Variants in SLC39A12 observed in about 807,000 individuals in gnomAD.
The protein encoded by SLC39A12 is zinc transporter ZIP12.
In SLC39A12, 63 loss-of-function variants were observed where a neutral mutation model predicts 71.1. The ratio of observed to expected loss-of-function variants is 0.89; its 90% CI spans 0.72 to 1.09. The LOEUF (loss-of-function observed/expected upper bound fraction) is 1.09, where lower values mean the gene tolerates loss of function less well. Ranked by LOEUF, SLC39A12 falls within the 50% of genes least tolerant of loss-of-function variation. SLC39A12 has a pLI of 0.00. For synonymous variants in SLC39A12, 351 were observed against 301.3 expected (o/e 1.16, Z -1.71); for missense variants, 892 against 812.6 (o/e 1.10, Z -1.19).
intron 4 of SLC39A12, among the ~76,000 whole-genome samples, chr10:17,967,374 T>A (rs901507384): frequency 1.3e-5 from 2 of 152,200 alleles, no homozygotes; most frequent in African/African-American, 4.8e-5. Context: ...CTAGATTGAT[T>A]AATTATTTAG....
chr10:18,020,513 A>T (rs546462002), intron 12 of SLC39A12, among the ~76,000 whole-genome samples: 197 of 152,202 alleles, frequency 1.3e-3, no homozygotes, highest in African/African-American at 4.6e-3. Context: ...GTTGAATGGT[A>T]ACTCTATTTT....
Position 17,978,038 on chromosome 10 carries a change from A to G in SLC39A12, c.888A>G (p.Glu296=). The change falls in exon 5 of 13, where the codon GAA becomes GAG. Residue 296 remains glutamate (E), a synonymous_variant. Coordinates refer to ENST00000377369, the MANE Select transcript of SLC39A12 (RefSeq NM_001145195.2). ...QDYSNFSSSM[E]KESEDGPVSW... is the part of the protein sequence containing the mutation. ...ATTCTAATTTCTCTTCATCCATGGA[A>G]AAAGAGTCTGAGGATGGTCCAGTTT... 1 of 1,605,816 alleles carries G rather than the reference A, an allele frequency of 6.2e-7. No homozygotes were observed. The highest frequency in any genetic ancestry group is 1.1e-5 in the South Asian group (1 of 89,360).
At chr10:17,972,798 C>T (rs992152897) in intron 4 of SLC39A12, among the ~76,000 whole-genome samples, 2 of 151,472 alleles carry the variant, frequency 1.3e-5, no homozygotes, top group Non-Finnish European at 1.5e-5. Context: ...TTCTGCTAGT[C>T]TGTGTCTTTT....
chr10:17,961,028 G>A (rs1834674926), intron 2 of SLC39A12, among the ~76,000 whole-genome samples: 1 of 152,114 alleles, frequency 6.6e-6, no homozygotes, highest in Admixed American at 6.5e-5. Flanking sequence ...AGATAGTTCT[G>A]TACTAGGGAA....
At chr10:17,981,211 C>G (rs2437261) in intron 5 of SLC39A12, 101 bp from the exon 6 acceptor site, 307,457 of 1,031,224 alleles carry the variant, frequency 0.3, 49,066 homozygotes, top group East Asian at 0.53. Context: ...TGTGTGTTCT[C>G]GCTATTCCAT....
chr10:17,982,919 G>A (rs1008924083), intron 6 of SLC39A12, among the ~76,000 whole-genome samples: 1 of 152,036 alleles, frequency 6.6e-6, no homozygotes, highest in Non-Finnish European at 1.5e-5. Flanking sequence ...GGCCAGGCGC[G>A]GTGGCTCACG....
chr10:17,969,587 T>G (rs1834918644), intron 4 of SLC39A12, among the ~76,000 whole-genome samples: 1 of 152,220 alleles, frequency 6.6e-6, no homozygotes, highest in South Asian at 2.1e-4. Flanking sequence ...TTTGTATGTC[T>G]TATTTTGAGA....
intron 12 of SLC39A12, among the ~76,000 whole-genome samples, chr10:18,030,372 G>A (rs1348613329): frequency 6.6e-6 from 1 of 151,462 alleles, no homozygotes; most frequent in African/African-American, 2.4e-5. Flanking sequence ...CGAGTAGCTG[G>A]GACCACATGG....
At chr10:18,019,679 G>C (rs11492529) in intron 12 of SLC39A12, among the ~76,000 whole-genome samples, 2,106 of 151,946 alleles carry the variant, frequency 0.014, 30 homozygotes, top group South Asian at 0.032. Context: ...TTATTTAGAG[G>C]TATGTTATTT....
At chr10:17,995,190 A>G (rs1429568833) in intron 9 of SLC39A12, among the ~76,000 whole-genome samples, 1 of 152,248 alleles carries the variant, frequency 6.6e-6, no homozygotes, top group Non-Finnish European at 1.5e-5. Flanking sequence ...ATTATGCTGC[A>G]GTGAATGAAA....
intron 2 of SLC39A12, among the ~76,000 whole-genome samples, chr10:17,954,042 A>C (rs1483059246): frequency 6.6e-6 from 1 of 152,118 alleles, no homozygotes; most frequent in Non-Finnish European, 1.5e-5. Context: ...TGAGCTGGGG[A>C]GACAGATGCT....
At chr10:18,025,819 C>T (rs1242127702) in intron 12 of SLC39A12, among the ~76,000 whole-genome samples, 4 of 152,152 alleles carry the variant, frequency 2.6e-5, no homozygotes, top group African/African-American at 9.7e-5. Flanking sequence ...CACTGACTTC[C>T]ACCATGGTTC....
chr10:17,961,449 C>T lies in SLC39A12; in HGVS notation c.262-132C>T, dbSNP rs538495523. 4 of 807,844 alleles carry T rather than the reference C, an allele frequency of 5.0e-6. No homozygotes were observed. In the South Asian group the frequency reaches 5.8e-5, roughly 12 times the overall value. 50.0% of individuals were successfully genotyped at this position (807,844 alleles called of 1,614,324 possible). A position where few individuals can be genotyped will look rare whatever the true frequency, so the allele number is the denominator to read the frequency against. On this transcript the variant is annotated intron_variant, in intron 2 of 12. Transcript: ENST00000377369. The stretch of plus-strand genomic sequence containing the variant: ...CGGGAGTCCAACTCTCTGAATCTGG[C>T]TATTGGTCCTGCCTGCTTTTCCTTT...
At chr10:17,959,862 G>T (rs1554848156) in intron 2 of SLC39A12, among the ~76,000 whole-genome samples, 1 of 152,190 alleles carries the variant, frequency 6.6e-6, no homozygotes, top group East Asian at 1.9e-4. Context: ...GCACAGTGGA[G>T]GGGAGGAAAG....
At chr10:17,987,730 A>AGTGGTTT (rs1835438798) in intron 7 of SLC39A12, 79 bp downstream of exon 7, 1 of 1,460,838 alleles carries the variant, frequency 6.8e-7, no homozygotes, top group Non-Finnish European at 9.4e-7. Flanking sequence ...TTTATGCAAA[A>AGTGGTTT]TTTTACTGAG....
chr10:17,974,100 T>C (rs1234350157), intron 4 of SLC39A12, among the ~76,000 whole-genome samples: 2 of 151,824 alleles, frequency 1.3e-5, no homozygotes, highest in African/African-American at 4.8e-5. Flanking sequence ...TTATTTTTAA[T>C]TATTGGGTTC....
At position 17,993,183 on chromosome 10, in the gene SLC39A12, G is replaced by GGGCCTGTCAA; in HGVS notation, c.1434_1435insAGGCCTGTCA (p.Leu479ArgfsTer6). The GGGCCTGTCAA allele has an allele frequency of 3.9e-6, 6 of 1,549,672 alleles. No homozygotes were observed. Among genetic ancestry groups the GGGCCTGTCAA allele is most frequent in the Non-Finnish European group, 5.2e-6 (6 of 1,145,466 alleles). On this transcript the variant is annotated frameshift_variant, in exon 9 of 13. Coordinates refer to ENST00000377369, the MANE Select transcript of SLC39A12 (RefSeq NM_001145195.2). LOFTEE classifies it high-confidence loss of function. ...AATTTTAAACCATCCTCATCCAGCA[G>GGGCCTGTCAA]GGCCTGTCATTGGTTAATGGGCACG...
intron 12 of SLC39A12, among the ~76,000 whole-genome samples, chr10:18,015,039 C>CT (rs1016427267): frequency 6.6e-6 from 1 of 152,274 alleles, no homozygotes; most frequent in Non-Finnish European, 1.5e-5. Context: ...AGTTCATGCA[C>CT]TTTTTGGATT....
At position 17,965,635 on chromosome 10, in the gene SLC39A12, CT is replaced by C. The variant is rs779070195; in HGVS notation, c.699del (p.Phe233LeufsTer9). 9.3e-6 allele frequency: 15 copies of C among 1,614,050 alleles called. No homozygotes were observed. Among genetic ancestry groups the C allele is most frequent in the Non-Finnish European group, 1.2e-5 (14 of 1,180,020 alleles). On this transcript the variant is annotated frameshift_variant, in exon 4 of 13. Transcript: ENST00000377369. LOFTEE classifies it high-confidence loss of function. The stretch of plus-strand genomic sequence containing the variant: ...AAGGAAACTTGCCTTCCCCAGACTA[CT>C]TTACAGAATATATTTTCAGTTCCTT... ...GQGNLPSPDY[F>X]TEYIFSSLNR...
Sources: allele counts gnomAD v4.1 joint callset (sites outside exome capture counted in the v4.1 genomes callset), GRCh38; gene constraint gnomAD v4.1.1; transcripts MANE v1.5; gene names NCBI Gene and HGNC (gene_info 2026-07-23, HGNC 2026-07-21).